The following PHC2 variants were observed in gnomAD, a reference collection of about 807,000 sequenced individuals.
The protein encoded by PHC2 is polyhomeotic-like protein 2.
Under a neutral mutation model 87.4 loss-of-function variants are expected in PHC2, and 29 were observed. That is an observed-to-expected ratio of 0.33 (90% CI 0.25 to 0.45). The LOEUF is 0.45. Ranked by LOEUF, PHC2 falls within the 20% of genes least tolerant of loss-of-function variation. The pLI, the probability that PHC2 is intolerant of heterozygous loss-of-function variation, is 1.00. For synonymous variants in PHC2, 438 were observed against 461.7 expected (o/e 0.95, Z 0.66); for missense variants, 857 against 1,136.7 (o/e 0.75, Z 3.54).
intron 1 of PHC2, among the ~76,000 whole-genome samples, chr1:33,400,026 A>G (rs1649456416): frequency 6.6e-6 from 1 of 151,658 alleles, no homozygotes; most frequent in Non-Finnish European, 1.5e-5. Context: ...GTTCATTATT[A>G]TTTGTAAAAA....
intron 1 of PHC2, among the ~76,000 whole-genome samples, chr1:33,396,160 AT>A (rs1269928436): frequency 6.6e-6 from 1 of 152,182 alleles, no homozygotes; most frequent in African/African-American, 2.4e-5. Context: ...AAGAGCCTCT[AT>A]TCAGCCCCTG....
chr1:33,325,922 A>G (rs1570435560), intron 14 of PHC2: 1 of 456,568 alleles, frequency 2.2e-6, no homozygotes, highest in African/African-American at 2.0e-5. Flanking sequence ...GAGACTGTAT[A>G]TAGAAGTCTC....
chr1:33,349,359 G>C lies in PHC2; in HGVS notation c.1558+5042C>G. The C allele has an allele frequency of 4.1e-6, 4 of 985,442 alleles. No individual in the cohort carries two copies. Among genetic ancestry groups the C allele is most frequent in the Non-Finnish European group, 4.8e-6 (4 of 829,964 alleles). 61.0% of individuals were successfully genotyped at this position (985,442 alleles called of 1,614,324 possible). A position where few individuals can be genotyped will look rare whatever the true frequency, so the allele number is the denominator to read the frequency against. On this transcript the variant is annotated intron_variant, in intron 9 of 14. Coordinates refer to ENST00000683057, the MANE Select transcript of PHC2 (RefSeq NM_001385109.1). This position sits in a 1 kb window ranked among gnomAD's most constrained non-coding sequence, Gnocchi z 4.2. The stretch of plus-strand genomic sequence containing the variant: ...GGCCTGGGGACGCGGAAGCTGCGGC[G>C]CGCCGAGGTGACACGGCTTCCAGGG...
chr1:33,348,742 A>G (rs1017865303), intron 9 of PHC2, among the ~76,000 whole-genome samples: 1 of 152,210 alleles, frequency 6.6e-6, no homozygotes, highest in Non-Finnish European at 1.5e-5. Flanking sequence ...AAAAAGATGA[A>G]AAGAGTGTGT....
In PHC2 at chr1:33,349,555, C is replaced by T. The variant is rs1317701685; in HGVS notation, c.1558+4846G>A. ...CCAGTGCGGCGAGCGCGGCCCCCGG[C>T]CTCCCTACTGGCGAGAACCCCTCCC... On this transcript the variant is annotated intron_variant, in intron 9 of 14. Coordinates refer to ENST00000683057, the MANE Select transcript of PHC2 (RefSeq NM_001385109.1). The surrounding 1 kb of genome is among the most constrained non-coding windows in gnomAD (Gnocchi z 4.2). 2.0e-6 allele frequency: 2 copies of T among 982,942 alleles called. No individual in the cohort carries two copies. Among genetic ancestry groups the T allele is most frequent in the Non-Finnish European group, 2.4e-6 (2 of 827,966 alleles). The allele number at this position is 982,942 out of a possible 1,614,324, so 60.9% of individuals were successfully genotyped here.
chr1:33,393,780 G>C (rs12132679), intron 1 of PHC2, among the ~76,000 whole-genome samples: 2 of 19,386 alleles, frequency 1.0e-4, no homozygotes, highest in Non-Finnish European at 1.9e-4. Context: ...GGACAACGAA[G>C]AGATGGATCA....
At chr1:33,411,217 T>C (rs1649967125) in intron 1 of PHC2, among the ~76,000 whole-genome samples, 1 of 152,202 alleles carries the variant, frequency 6.6e-6, no homozygotes, top group Admixed American at 6.5e-5. Flanking sequence ...TATGATATTC[T>C]CCTTGTACTG....
At chr1:33,338,048 C>T (rs892784052) in intron 9 of PHC2, among the ~76,000 whole-genome samples, 17 of 152,280 alleles carry the variant, frequency 1.1e-4, no homozygotes, top group African/African-American at 4.1e-4. Context: ...AGAAAACAGC[C>T]CCCCTCTGAC....
At chr1:33,381,465 G>A (rs1648487980) in intron 1 of PHC2, among the ~76,000 whole-genome samples, 1 of 151,970 alleles carries the variant, frequency 6.6e-6, no homozygotes, top group Non-Finnish European at 1.5e-5. Context: ...TAATAATAGT[G>A]ATTATTTATT....
rs116583256 is a variant in PHC2, at chr1:33,373,666, C to T, written c.175-1219G>A. On this transcript the variant is annotated intron_variant, in intron 2 of 14. Coordinates refer to ENST00000683057, the MANE Select transcript of PHC2 (RefSeq NM_001385109.1). ...CCCAGAGACATTTCTCCTCCCTTCT[C>T]CCACTGGTCACCCTCCTGCCATCTC... 2.2e-3 allele frequency among the ~76,000 whole-genome samples: 328 copies of T among 152,270 alleles called. 3 individuals carry two copies. The highest frequency in any genetic ancestry group is 7.6e-3 in the African/African-American group (318 of 41,572).
At chr1:33,335,374 A>G in intron 9 of PHC2, 1 of 984,568 alleles carries the variant, frequency 1.0e-6, no homozygotes, top group African/African-American at 1.7e-5. Flanking sequence ...AAAAGAAAAG[A>G]AAAAGCCATT....
intron 1 of PHC2, among the ~76,000 whole-genome samples, chr1:33,411,855 G>T (rs6686641): frequency 6.6e-4 from 100 of 152,150 alleles, no homozygotes; most frequent in African/African-American, 2.3e-3. Flanking sequence ...CATTCGCACC[G>T]GGCCTGATCA....
chr1:33,415,366 C>T (rs2148397382), intron 1 of PHC2, among the ~76,000 whole-genome samples: 1 of 152,248 alleles, frequency 6.6e-6, no homozygotes, highest in Admixed American at 6.5e-5. Flanking sequence ...AGCAGAAAGA[C>T]CTTGTAATAG....
chr1:33,414,366 T>C (rs374721922), intron 1 of PHC2, among the ~76,000 whole-genome samples: 15 of 152,310 alleles, frequency 9.8e-5, no homozygotes, highest in East Asian at 9.6e-4. Flanking sequence ...CTGTAGTTAG[T>C]GGAGGCTTCT....
chr1:33,397,379 C>G (rs1348759548), intron 1 of PHC2, among the ~76,000 whole-genome samples: 4 of 152,192 alleles, frequency 2.6e-5, no homozygotes, highest in Non-Finnish European at 5.9e-5. Context: ...CACCCCAGAC[C>G]TGCTGAATCT....
chr1:33,395,168 A>C (rs1184053318), intron 1 of PHC2, among the ~76,000 whole-genome samples: 1 of 152,216 alleles, frequency 6.6e-6, no homozygotes, highest in Non-Finnish European at 1.5e-5. Context: ...TTTAAAAAAT[A>C]CTATGCTGAA....
chr1:33,346,015 T>A (rs1201603660), intron 9 of PHC2: 1 of 985,208 alleles, frequency 1.0e-6, no homozygotes, highest in East Asian at 1.1e-4. Context: ...AACTGGTGAC[T>A]CATAGTTTAA....
chr1:33,350,073 A>G (rs966270401), intron 9 of PHC2, among the ~76,000 whole-genome samples: 1 of 151,282 alleles, frequency 6.6e-6, no homozygotes, highest in Non-Finnish European at 1.5e-5. Flanking sequence ...CCCGGGGCTC[A>G]GCTTAGGGAG....
intron 1 of PHC2, among the ~76,000 whole-genome samples, chr1:33,413,360 G>C (rs1650060667): frequency 6.6e-6 from 1 of 152,158 alleles, no homozygotes. Context: ...GCATTTATTA[G>C]GGCTACTATC....
Sources: allele counts gnomAD v4.1 joint callset (sites outside exome capture counted in the v4.1 genomes callset), GRCh38; gene constraint gnomAD v4.1.1; non-coding constraint Gnocchi (gnomAD v3.1); transcripts MANE v1.5; gene names NCBI Gene and HGNC (gene_info 2026-07-23, HGNC 2026-07-21).